The following EDRF1 variants were observed in gnomAD, a reference collection of about 807,000 sequenced individuals.
The protein encoded by EDRF1 is erythroid differentiation regulatory factor 1, also known as erythroid differentiation-related factor 1.
Under a neutral mutation model 148.7 loss-of-function variants are expected in EDRF1, and 69 were observed. The observed-to-expected ratio is 0.46, with a 90% CI of 0.38 to 0.57. The LOEUF is 0.57. EDRF1 is among the 20% of genes least tolerant of loss of function. The pLI is 0.00. For synonymous variants in EDRF1, 515 were observed against 532.8 expected, an observed-to-expected ratio of 0.97 and a Z score of 0.46; for missense variants, 1,118 against 1,478.7, an observed-to-expected ratio of 0.76 and a Z score of 4.00.
intron 6 of EDRF1, among the ~76,000 whole-genome samples, chr10:125,727,900 C>T (rs1848330042): frequency 6.6e-6 from 1 of 152,054 alleles, no homozygotes; most frequent in Non-Finnish European, 1.5e-5. Flanking sequence ...CAAGTGTATT[C>T]CAAAATGCAT....
chr10:125,732,107 C>G (rs1471735503), intron 9 of EDRF1, among the ~76,000 whole-genome samples: 5 of 152,312 alleles, frequency 3.3e-5, no homozygotes, highest in African/African-American at 9.6e-5. Context: ...GTTCTAGTAT[C>G]AGTAGGATGT....
chr10:125,763,779 G>A lies in EDRF1; in HGVS notation c.*307G>A, dbSNP rs1311475132. ...ACACTTTCACGTATTTTTGAAGTAT[G>A]TCAAGCTACACGGGTCTAAGATATG... On this transcript the variant is annotated 3_prime_UTR_variant, in exon 25 of 25. Coordinates refer to ENST00000356792, the MANE Select transcript of EDRF1 (RefSeq NM_001202438.2). This position sits in a 1 kb window ranked among gnomAD's most constrained non-coding sequence, Gnocchi z 4.3. 1.7e-5 allele frequency: 7 copies of A among 416,396 alleles called. No homozygotes were observed. Among genetic ancestry groups the A allele is most frequent in the Non-Finnish European group, 2.7e-5 (6 of 224,806 alleles). 25.8% of individuals were successfully genotyped at this position (416,396 alleles called of 1,614,324 possible).
chr10:125,723,177 G>C (rs1305388687), intron 3 of EDRF1, 43 bp downstream of exon 3: 1 of 1,529,780 alleles, frequency 6.5e-7, no homozygotes, highest in East Asian at 2.3e-5. Context: ...GAGGTGTTTT[G>C]TGATAGGTGT....
At position 125,734,115 on chromosome 10, in the gene EDRF1, C is replaced by T; in HGVS notation, c.1429C>T (p.His477Tyr). Residue 477 changes from histidine (H) to tyrosine (Y), a missense_variant, in exon 12 of 25, where the codon CAC (histidine) becomes TAC (tyrosine). Transcript: ENST00000356792. Reference protein sequence around the residue: ...MMMKKNQNKKHYGTIRTLLLN... With the variant: ...MMMKKNQNKKYYGTIRTLLLN... ...GATGAAGAAGAATCAAAATAAGAAA[C>T]ACTATGGAACTATTAGAACATTGCT... The T allele has an allele frequency of 1.2e-6, 2 of 1,613,196 alleles. No individual in the cohort carries two copies. Among genetic ancestry groups the T allele is most frequent in the Non-Finnish European group, 1.7e-6 (2 of 1,179,336 alleles).
At position 125,729,070 on chromosome 10, in the gene EDRF1, T is replaced by C. The variant is rs1327696436; in HGVS notation, c.860T>C (p.Leu287Pro). ...GCCTCAGCCCCCAAAGAACAAAACC[T>C]GATTACTTTATTCAATGACGGGGAG... ...HVASAPKEQN[L>P]ITLFNDGEHS... The change falls in exon 7 of 25, where the codon CTG becomes CCG. Residue 287 changes from leucine to proline, a missense_variant. Leu to Pro is a moderately conservative substitution (Grantham distance 98, BLOSUM62 -3). Transcript: ENST00000356792. 1.3e-6 allele frequency: 2 copies of C among 1,577,888 alleles called. No individual in the cohort carries two copies. Among genetic ancestry groups the C allele is most frequent in the Non-Finnish European group, 1.7e-6 (2 of 1,169,274 alleles).
At chr10:125,731,897 A>G (rs1013992916) in intron 9 of EDRF1, 2 of 453,388 alleles carry the variant, frequency 4.4e-6, no homozygotes, top group Admixed American at 4.7e-5. Flanking sequence ...TATTTGATGG[A>G]AAGAGAGACT....
At position 125,763,471 on chromosome 10, in the gene EDRF1, G is replaced by A; in HGVS notation, c.3716G>A (p.Ter1239=). ...GSAASSNAVQ[*] Reference sequence around the variant, plus strand: ...GCAGCGAGCAGCAATGCCGTTCAGTGACTGCACAGAGCCGTGTCCCAGACA... The same window carrying A: ...GCAGCGAGCAGCAATGCCGTTCAGTAACTGCACAGAGCCGTGTCCCAGACA... The change falls in exon 25 of 25, where the codon TGA becomes TAA. Residue 1239 remains the stop codon, a stop_retained_variant. Coordinates refer to ENST00000356792, the MANE Select transcript of EDRF1 (RefSeq NM_001202438.2). The surrounding 1 kb of genome is among the most constrained non-coding windows in gnomAD (Gnocchi z 4.3). 6.2e-7 allele frequency: 1 copy of A among 1,605,972 alleles called. No individual in the cohort carries two copies. Among genetic ancestry groups the A allele is most frequent in the Non-Finnish European group, 8.5e-7 (1 of 1,179,898 alleles).
intron 9 of EDRF1, among the ~76,000 whole-genome samples, chr10:125,732,907 A>G (rs1046128292): frequency 3.9e-5 from 6 of 152,128 alleles, no homozygotes; most frequent in African/African-American, 1.4e-4. Flanking sequence ...CTGTGAAGTA[A>G]TAAAGTCCAT....
At chr10:125,756,954 G>A (rs1194460092) in intron 24 of EDRF1, 4 of 397,036 alleles carry the variant, frequency 1.0e-5, no homozygotes, top group East Asian at 7.7e-5. Context: ...CTGGGACCAC[G>A]GGTGTGCCCC....
rs80141664 is a variant in EDRF1 at position 125,738,920 on chromosome 10, T to C, written c.1981+475T>C. On this transcript the variant is annotated intron_variant, in intron 15 of 24. Transcript: ENST00000356792. ...AGAACAGTGTACATAATAAGCACTA[T>C]AGAAGTGTAGGCTGTTGTTACTGCA... Among the ~76,000 whole-genome samples, 1,260 of 152,370 alleles carry C rather than the reference T, an allele frequency of 8.3e-3. 10 individuals carry two copies. Among genetic ancestry groups the C allele is most frequent in the African/African-American group, 0.026 (1,062 of 41,596 alleles).
intron 19 of EDRF1, 66 bp from the exon 20 acceptor site, chr10:125,747,470 A>C (rs775966056): frequency 2.4e-5 from 37 of 1,546,426 alleles, no homozygotes; most frequent in Non-Finnish European, 3.2e-5. Flanking sequence ...AGTGTGTTTT[A>C]TTTTAATGCA....
intron 22 of EDRF1, among the ~76,000 whole-genome samples, chr10:125,751,641 G>T (rs978585363): frequency 1.3e-5 from 2 of 152,138 alleles, no homozygotes; most frequent in Non-Finnish European, 2.9e-5. Flanking sequence ...CTCCCCACCC[G>T]CAGAGTCGGG....
intron 22 of EDRF1, among the ~76,000 whole-genome samples, chr10:125,751,404 G>GT (rs60964364): frequency 0.68 from 95,938 of 140,560 alleles, 32,706 homozygotes; most frequent in East Asian, 0.81. Context: ...TTTACCCAGT[G>GT]TTTTTTTTTT....
chr10:125,763,455 A>C lies in EDRF1; in HGVS notation c.3700A>C (p.Ser1234Arg). The C allele has an allele frequency of 6.2e-7, 1 of 1,608,162 alleles. No homozygotes were observed. The highest frequency in any genetic ancestry group is 1.6e-4 in the Middle Eastern group (1 of 6,062). The change falls in exon 25 of 25, where the codon AGC becomes CGC. Residue 1234 changes from serine to arginine, a missense_variant. By Grantham distance (110) the Ser-to-Arg change is moderately radical (BLOSUM62 -1). Coordinates refer to ENST00000356792, the MANE Select transcript of EDRF1 (RefSeq NM_001202438.2). The surrounding 1 kb of genome is among the most constrained non-coding windows in gnomAD (Gnocchi z 4.3). Reference protein sequence around the residue: ...GQLAAGSAASSNAVQ With the variant: ...GQLAAGSAASRNAVQ ...GCTTGCCGCCGGCAGTGCAGCGAGC[A>C]GCAATGCCGTTCAGTGACTGCACAG... is the stretch of plus-strand genomic sequence containing the variant.
intron 17 of EDRF1, chr10:125,742,332 TGA>T: frequency 7.9e-7 from 1 of 1,265,188 alleles, no homozygotes; most frequent in Non-Finnish European, 1.0e-6. Context: ...AAGTAAAAGA[TGA>T]GTCTTCTGAA....
chr10:125,747,940 C>T lies in EDRF1; in HGVS notation c.3051C>T (p.Pro1017=), dbSNP rs373378340. Residue 1017 remains proline (P), a synonymous_variant, in exon 21 of 25, where the codon CCC becomes CCT. Transcript: ENST00000356792. ...TGGATTCAGTGTCTGCTCGACAGCC[C>T]CTTTGTCAGTATCGAGCTGCAACCA... ...CDVDSVSARQ[P]LCQYRAATIH... is the part of the protein sequence containing the mutation. The T allele has an allele frequency of 5.0e-6, 8 of 1,614,010 alleles. No individual in the cohort carries two copies. In the African/African-American group the frequency reaches 1.1e-4, roughly 22 times the overall value.
chr10:125,753,760 A>G lies in EDRF1; in HGVS notation c.3460A>G (p.Lys1154Glu). ...TAGTCTCAATCGAGAAGAAGTGATG[A>G]AACTCCTCAGTATATTTGAGTCTCG... ...SPSLNREEVM[K>E]LLSIFESRLS... is the part of the protein sequence containing the mutation. The change falls in exon 24 of 25, where the codon AAA becomes GAA. Residue 1154 changes from lysine to glutamate, a missense_variant. Lys to Glu is a moderately conservative substitution (Grantham distance 56). This residue lies in a region of EDRF1 where 954 missense variants were observed against 1,241.4 expected (regional missense o/e 0.77). Coordinates refer to ENST00000356792, the MANE Select transcript of EDRF1 (RefSeq NM_001202438.2). 6.2e-7 allele frequency: 1 copy of G among 1,614,010 alleles called. No homozygotes were observed. The highest frequency in any genetic ancestry group is 8.5e-7 in the Non-Finnish European group (1 of 1,180,000).
At position 125,723,788 on chromosome 10, in the gene EDRF1, A is replaced by G. The variant is rs372174581; in HGVS notation, c.385-23A>G. The G allele has an allele frequency of 5.6e-6, 9 of 1,605,138 alleles. 1 individual carries two copies. In the South Asian group the frequency reaches 8.8e-5, roughly 16 times the overall value. ...CACACTAAAACAGTCTTTCTAAACT[A>G]TTTTTTCTCTTAATTTTTTAAGAAC... On this transcript the variant is annotated intron_variant, in intron 3 of 24. Transcript: ENST00000356792.
chr10:125,722,977 A>G (rs1848078608), intron 2 of EDRF1, 91 bp from the exon 3 acceptor site: 1 of 1,038,504 alleles, frequency 9.6e-7, no homozygotes, highest in Non-Finnish European at 1.5e-6. Flanking sequence ...TGTGTATCCT[A>G]GAAGCAATGA....
Sources: gnomAD v4.1 joint callset for allele counts (sites outside exome capture counted in the v4.1 genomes callset) on GRCh38, gnomAD v4.1.1 for gene constraint, gnomAD v4.1.1 regional missense constraint, Gnocchi (gnomAD v3.1) non-coding constraint, MANE v1.5 for transcripts, NCBI Gene and HGNC (gene_info 2026-07-23, HGNC 2026-07-21) for gene names.